The following AFAP1 variants were observed in gnomAD, a reference collection of about 807,000 sequenced individuals.
AFAP1 encodes the protein actin filament associated protein 1.
Under a neutral mutation model 93.9 loss-of-function variants are expected in AFAP1, and 75 were observed. That is an observed-to-expected ratio of 0.80 (90% CI 0.66 to 0.97). The LOEUF is 0.97. AFAP1 is among the 50% of genes least tolerant of loss of function. The pLI is 0.00. For missense variants in AFAP1, 1,201 were observed against 1,050.8 expected, an observed-to-expected ratio of 1.14 and a Z score of -1.98; for synonymous variants, 517 against 430.7, an observed-to-expected ratio of 1.20 and a Z score of -2.48.
chr4:7,918,843 C>A (rs1346293075), intron 1 of AFAP1, among the ~76,000 whole-genome samples: 2 of 85,400 alleles, frequency 2.3e-5, no homozygotes, highest in African/African-American at 1.2e-4. Flanking sequence ...GCAAACAGGG[C>A]TGAGACGCTC....
At position 7,759,348 on chromosome 4, in the gene AFAP1, C is replaced by G. The variant is rs1356352134; in HGVS notation, c.*4417G>C. ...ACCAAAGCCGGAACTATTTCATGAA[C>G]TACGGGCGAAAGGATGCGTCTGACG... On this transcript the variant is annotated 3_prime_UTR_variant, in exon 18 of 18. Coordinates refer to ENST00000420658, the MANE Select transcript of AFAP1 (RefSeq NM_001134647.2). 6.6e-6 allele frequency: 1 copy of G among 152,646 alleles called. No homozygotes were observed. Among genetic ancestry groups the G allele is most frequent in the Non-Finnish European group, 1.5e-5 (1 of 68,044 alleles). 9.5% of individuals were successfully genotyped at this position (152,646 alleles called of 1,614,324 possible). A position where few individuals can be genotyped will look rare whatever the true frequency, so the allele number is the denominator to read the frequency against.
intron 3 of AFAP1, among the ~76,000 whole-genome samples, chr4:7,867,269 G>A (rs1047467428): frequency 1.3e-5 from 2 of 152,088 alleles, no homozygotes. Flanking sequence ...CTCTGAGGAG[G>A]GATTAGAGTG....
intron 7 of AFAP1, among the ~76,000 whole-genome samples, chr4:7,818,523 T>C (rs1274039850): frequency 6.6e-6 from 1 of 152,058 alleles, no homozygotes; most frequent in African/African-American, 2.4e-5. Flanking sequence ...GGAAACAATA[T>C]CAGTTGGATT....
chr4:7,919,447 T>C (rs1202639276), intron 1 of AFAP1, among the ~76,000 whole-genome samples: 1 of 152,140 alleles, frequency 6.6e-6, no homozygotes, highest in Non-Finnish European at 1.5e-5. Flanking sequence ...GAACCTGTGT[T>C]TTCATTAAAC....
At chr4:7,780,236 C>T (rs1453790266) in intron 13 of AFAP1, among the ~76,000 whole-genome samples, 1 of 152,216 alleles carries the variant, frequency 6.6e-6, no homozygotes, top group Non-Finnish European at 1.5e-5. Flanking sequence ...CACTCAGACT[C>T]ACTGAATGGG....
rs1188346316 is a variant in AFAP1 at position 7,800,614 on chromosome 4, C to T, written c.1094G>A (p.Arg365His). The T allele has an allele frequency of 3.0e-5, 49 of 1,614,210 alleles. No homozygotes were observed. Among genetic ancestry groups the T allele is most frequent in the Middle Eastern group, 3.3e-4 (2 of 6,062 alleles). ...CTTGTTATCTTTCACTCGGCACCAG[C>T]GCTCTCGCCAGCGGCTGTTGGAGAG... ...NVLSNSRWRE[R>H]WCRVKDNKLI... Residue 365 changes from arginine to histidine, a missense_variant, in exon 10 of 18, where the codon CGC (arginine) becomes CAC (histidine). By Grantham distance (29) the Arg-to-His change is conservative. Transcript: ENST00000420658.
chr4:7,852,983 C>T (rs1035585323), intron 4 of AFAP1, among the ~76,000 whole-genome samples: 1 of 152,120 alleles, frequency 6.6e-6, no homozygotes, highest in Non-Finnish European at 1.5e-5. Context: ...TCCCGTCACC[C>T]GGGCAATGGT....
intron 11 of AFAP1, among the ~76,000 whole-genome samples, chr4:7,790,974 C>G (rs1188119860): frequency 6.6e-6 from 1 of 152,166 alleles, no homozygotes; most frequent in African/African-American, 2.4e-5. Context: ...TAAAATGGGC[C>G]AAGTTATCTT....
In AFAP1 at chr4:7,871,933, G is replaced by A. The variant is rs1422837707; in HGVS notation, c.127+19C>T. ...AAGACACTGTAAGAAGGAAAAGCAGGCGTCAGAATGAGACTCACCTTTGGA... is the reference window on the plus strand; with the variant it reads ...AAGACACTGTAAGAAGGAAAAGCAGACGTCAGAATGAGACTCACCTTTGGA... On this transcript the variant is annotated intron_variant, in intron 2 of 17. Transcript: ENST00000420658. The A allele has an allele frequency of 6.2e-7, 1 of 1,612,924 alleles. No individual in the cohort carries two copies. Among genetic ancestry groups the A allele is most frequent in the Non-Finnish European group, 8.5e-7 (1 of 1,179,590 alleles).
chr4:7,785,131 C>G (rs1281932249), intron 12 of AFAP1, among the ~76,000 whole-genome samples: 2 of 152,182 alleles, frequency 1.3e-5, no homozygotes, highest in East Asian at 1.9e-4. Context: ...GGCCTCATCT[C>G]TGAACGCCCA....
intron 9 of AFAP1, among the ~76,000 whole-genome samples, chr4:7,804,146 C>T (rs1394052572): frequency 6.6e-6 from 1 of 151,608 alleles, no homozygotes; most frequent in Non-Finnish European, 1.5e-5. Context: ...TCAGTGCTGA[C>T]CCGGACCCCA....
intron 1 of AFAP1, among the ~76,000 whole-genome samples, chr4:7,884,450 G>A (rs1357537737): frequency 6.6e-6 from 1 of 152,112 alleles, no homozygotes; most frequent in East Asian, 1.9e-4. Flanking sequence ...AGAATAGCCA[G>A]CCCTGCCAAC....
At chr4:7,808,867 T>C (rs1719760836) in intron 9 of AFAP1, among the ~76,000 whole-genome samples, 1 of 152,156 alleles carries the variant, frequency 6.6e-6, no homozygotes, top group Non-Finnish European at 1.5e-5. Flanking sequence ...GCTCCCCCTC[T>C]GCCCTTGCCA....
chr4:7,764,998 C>T (rs576282105), intron 17 of AFAP1, among the ~76,000 whole-genome samples: 8 of 152,252 alleles, frequency 5.3e-5, no homozygotes, highest in African/African-American at 9.6e-5. Context: ...CCCAGCTACT[C>T]GGTAGGCTGA....
intron 6 of AFAP1, among the ~76,000 whole-genome samples, chr4:7,824,728 A>G (rs1414370367): frequency 1.3e-5 from 2 of 152,184 alleles, no homozygotes; most frequent in East Asian, 3.9e-4. Flanking sequence ...GGAGAATGAC[A>G]GCAATGGAGG....
intron 9 of AFAP1, among the ~76,000 whole-genome samples, chr4:7,804,131 T>C (rs1337625676): frequency 6.6e-6 from 1 of 152,026 alleles, no homozygotes; most frequent in East Asian, 1.9e-4. Flanking sequence ...GCCTGGCTGA[T>C]GAAATCAGTG....
chr4:7,782,632 T>C (rs958504443), intron 12 of AFAP1, among the ~76,000 whole-genome samples: 5 of 152,162 alleles, frequency 3.3e-5, no homozygotes, highest in African/African-American at 7.2e-5. Context: ...TTTTCAGGGG[T>C]AAAGGTCTTT....
At chr4:7,794,289 C>G (rs138125833) in intron 10 of AFAP1, among the ~76,000 whole-genome samples, 10 of 152,254 alleles carry the variant, frequency 6.6e-5, no homozygotes, top group Non-Finnish European at 1.2e-4. Flanking sequence ...GGTGAGCCCC[C>G]CTACATGGGC....
At chr4:7,853,776 C>A (rs922752310) in intron 4 of AFAP1, among the ~76,000 whole-genome samples, 5 of 152,190 alleles carry the variant, frequency 3.3e-5, no homozygotes, top group African/African-American at 1.2e-4. Context: ...CAACCCATGG[C>A]TGTTGCTCTT....
Sources: gnomAD v4.1 joint callset for allele counts (sites outside exome capture counted in the v4.1 genomes callset) on GRCh38, gnomAD v4.1.1 for gene constraint, MANE v1.5 for transcripts, NCBI Gene and HGNC (gene_info 2026-07-23, HGNC 2026-07-21) for gene names.